Variants in MXI1 observed in about 807,000 individuals in gnomAD.
The protein encoded by MXI1 is max-interacting protein 1.
MXI1 carries 18 observed loss-of-function variants against 36.9 expected under a neutral mutation model. The ratio of observed to expected loss-of-function variants is 0.49; its 90% CI spans 0.34 to 0.72. MXI1 has a LOEUF of 0.72. Ranked by LOEUF, MXI1 falls within the 30% of genes least tolerant of loss-of-function variation. The pLI is 0.01. For missense variants in MXI1, 304 were observed against 379.1 expected (o/e 0.80, Z 1.64); for synonymous variants, 160 against 146.7 (o/e 1.09, Z -0.65).
chr10:110,220,315 G>A (rs1311537152), intron 1 of MXI1, among the ~76,000 whole-genome samples: 1 of 152,208 alleles, frequency 6.6e-6, no homozygotes, highest in Non-Finnish European at 1.5e-5. Flanking sequence ...GTAGGCAAAT[G>A]GATGTGTATT....
At position 110,285,773 on chromosome 10, in the gene MXI1, G is replaced by T. The variant is rs949187907; in HGVS notation, c.*786G>T. The T allele has an allele frequency of 1.3e-5, 2 of 152,336 alleles. No homozygotes were observed. The highest frequency in any genetic ancestry group is 6.5e-5 in the Admixed American group (1 of 15,272). The allele number at this position is 152,336 out of a possible 1,614,324, so 9.4% of individuals were successfully genotyped here. A position where few individuals can be genotyped will look rare whatever the true frequency, so the allele number is the denominator to read the frequency against. On this transcript the variant is annotated 3_prime_UTR_variant, in exon 6 of 6. Transcript: ENST00000332674. ...CCTACAAGGCCTATGAGTATGGATT[G>T]GGGGGGCCAAAAGGAAAAAGCTCCA...
chr10:110,207,991 G>T lies in MXI1; in HGVS notation c.183G>T (p.Ser61=). 6.2e-7 allele frequency: 1 copy of T among 1,602,240 alleles called. No individual in the cohort carries two copies. The change falls in exon 1 of 6, where the codon TCG becomes TCT. Residue 61 remains serine, a synonymous_variant. Coordinates refer to ENST00000332674, the MANE Select transcript of MXI1 (RefSeq NM_130439.3). ...ACATTTTCAACACCAGCGAGAACTC[G>T]ATGGAGAAGCACATCAACACTTTTC... ...FSDIFNTSEN[S]MEKHINTFLQ...
chr10:110,266,249 G>C (rs1199954714), intron 3 of MXI1, among the ~76,000 whole-genome samples: 5 of 151,954 alleles, frequency 3.3e-5, no homozygotes, highest in Admixed American at 2.0e-4. Context: ...CTGGGATTAA[G>C]GGCATGTGCC....
intron 2 of MXI1, among the ~76,000 whole-genome samples, chr10:110,228,526 A>C (rs150774326): frequency 0.021 from 3,211 of 152,324 alleles, 53 homozygotes; most frequent in African/African-American, 0.033. Context: ...CAACCAAAGA[A>C]GTTCTTGCTG....
chr10:110,231,373 C>T (rs1017501770), intron 2 of MXI1, among the ~76,000 whole-genome samples: 2 of 147,360 alleles, frequency 1.4e-5, no homozygotes, highest in Non-Finnish European at 3.0e-5. Flanking sequence ...CCCCCCCCCC[C>T]TCAAAAAAGT....
intron 3 of MXI1, among the ~76,000 whole-genome samples, chr10:110,265,103 T>G (rs1201464319): frequency 6.6e-6 from 1 of 152,224 alleles, no homozygotes; most frequent in Non-Finnish European, 1.5e-5. Flanking sequence ...GGACACATCT[T>G]TCTTGACAGG....
chr10:110,278,724 G>A (rs1436463064), intron 3 of MXI1, among the ~76,000 whole-genome samples: 1 of 117,914 alleles, frequency 8.5e-6, no homozygotes, highest in Non-Finnish European at 1.6e-5. Flanking sequence ...GTGTGTGTGT[G>A]TGTGCCCACA....
At chr10:110,274,422 C>G (rs1032979109) in intron 3 of MXI1, among the ~76,000 whole-genome samples, 1 of 152,050 alleles carries the variant, frequency 6.6e-6, no homozygotes, top group Non-Finnish European at 1.5e-5. Context: ...CCCCATCCCT[C>G]TCAGCAAGGG....
intron 1 of MXI1, among the ~76,000 whole-genome samples, chr10:110,215,050 T>TGA (rs900560121): frequency 8.0e-6 from 1 of 125,254 alleles, no homozygotes; most frequent in Non-Finnish European, 1.6e-5. Flanking sequence ...TTTGTTTTTT[T>TGA]TTTTTTTTTG....
At chr10:110,222,340 C>T (rs1269659996) in intron 1 of MXI1, among the ~76,000 whole-genome samples, 4 of 152,202 alleles carry the variant, frequency 2.6e-5, no homozygotes, top group African/African-American at 9.7e-5. Flanking sequence ...GTGTCATCAA[C>T]ACAGTAACTT....
At chr10:110,242,592 C>G (rs1159499269) in intron 2 of MXI1, among the ~76,000 whole-genome samples, 1 of 151,856 alleles carries the variant, frequency 6.6e-6, no homozygotes, top group East Asian at 1.9e-4. Flanking sequence ...TGAAAAGGTT[C>G]ATAATCTTAG....
chr10:110,281,037 C>T (rs1431598209), intron 5 of MXI1, among the ~76,000 whole-genome samples: 1 of 152,126 alleles, frequency 6.6e-6, no homozygotes, highest in Non-Finnish European at 1.5e-5. Flanking sequence ...AAACATGAGA[C>T]AAGTGACAGA....
At chr10:110,266,414 A>C (rs1856679921) in intron 3 of MXI1, among the ~76,000 whole-genome samples, 1 of 152,164 alleles carries the variant, frequency 6.6e-6, no homozygotes, top group East Asian at 1.9e-4. Context: ...GGCCTAATAC[A>C]GTGTCATTTT....
intron 2 of MXI1, among the ~76,000 whole-genome samples, chr10:110,241,913 G>A (rs989264705): frequency 1.3e-5 from 2 of 151,986 alleles, no homozygotes; most frequent in African/African-American, 4.8e-5. Context: ...TACAGATGAG[G>A]AAACTGTAAA....
intron 3 of MXI1, among the ~76,000 whole-genome samples, chr10:110,271,720 A>G (rs1856859312): frequency 6.6e-6 from 1 of 152,222 alleles, no homozygotes; most frequent in African/African-American, 2.4e-5. Context: ...TCAAACAGGT[A>G]AAGATTATAC....
chr10:110,234,503 A>G (rs975845514), intron 2 of MXI1, among the ~76,000 whole-genome samples: 1 of 152,038 alleles, frequency 6.6e-6, no homozygotes, highest in African/African-American at 2.4e-5. Context: ...AGTTGCTCCT[A>G]ACTTTTATAT....
intron 2 of MXI1, among the ~76,000 whole-genome samples, chr10:110,238,916 T>A (rs1855566902): frequency 6.6e-6 from 1 of 152,194 alleles, no homozygotes; most frequent in Non-Finnish European, 1.5e-5. Context: ...GTATGTAGAA[T>A]CTGTAATGAT....
At chr10:110,262,171 A>T (rs780501615) in intron 3 of MXI1, among the ~76,000 whole-genome samples, 2 of 152,118 alleles carry the variant, frequency 1.3e-5, no homozygotes, top group Non-Finnish European at 2.9e-5. Flanking sequence ...TTTGGGGGGA[A>T]AATTGCATCT....
chr10:110,213,672 G>A (rs1590322633), intron 1 of MXI1, among the ~76,000 whole-genome samples: 1 of 152,178 alleles, frequency 6.6e-6, no homozygotes, highest in South Asian at 2.1e-4. Context: ...TAGAGAAGTT[G>A]AATTGAGCCA....
Sources: allele counts gnomAD v4.1 joint callset (sites outside exome capture counted in the v4.1 genomes callset), GRCh38; gene constraint gnomAD v4.1.1; transcripts MANE v1.5; gene names NCBI Gene and HGNC (gene_info 2026-07-23, HGNC 2026-07-21).